The following BGN variants were observed in gnomAD, a reference collection of about 807,000 sequenced individuals.
BGN encodes the protein biglycan.
Under a neutral mutation model 20.0 loss-of-function variants are expected in BGN, and 6 were observed. That is an observed-to-expected ratio of 0.30 (90% CI 0.16 to 0.59). The LOEUF (loss-of-function observed/expected upper bound fraction) is 0.59, where lower values mean the gene tolerates loss of function less well. Ranked by LOEUF, BGN falls within the 20% of genes least tolerant of loss-of-function variation. The pLI is 0.88. For synonymous variants in BGN, 146 were observed against 134.6 expected (o/e 1.08, Z -0.59); for missense variants, 292 against 312.1 (o/e 0.94, Z 0.49).
chrX:153,499,682 C>T (rs1255683884), intron 1 of BGN, among the ~76,000 whole-genome samples: 1 of 113,401 alleles, frequency 8.8e-6, no homozygotes. Flanking sequence ...TGAACGCACA[C>T]GCCGGGCTTT....
chrX:153,496,946 G>A (rs1232235157), intron 1 of BGN, among the ~76,000 whole-genome samples: 3 of 59,399 alleles, frequency 5.1e-5, no homozygotes, highest in Non-Finnish European at 8.6e-5. Context: ...TGTGCTTCCC[G>A]GGCCCACCCC....
Position 153,508,477 on chromosome X carries a change from G to C in BGN, c.*32G>C. The C allele has an allele frequency of 8.4e-7, 1 of 1,183,738 alleles. No homozygotes were observed. On this transcript the variant is annotated 3_prime_UTR_variant, in exon 8 of 8. Transcript: ENST00000331595. ...CTGCAGCCACCGCGGGGCCTCAGTGGGGGTCTCTGGGGAACACAGCCAGAC... is the reference window on the plus strand; with the variant it reads ...CTGCAGCCACCGCGGGGCCTCAGTGCGGGTCTCTGGGGAACACAGCCAGAC...
Position 153,504,649 on chromosome X carries a change from C to G in BGN, c.18C>G (p.Arg6=), listed in dbSNP as rs782237977. 8.3e-7 allele frequency: 1 copy of G among 1,207,568 alleles called. No homozygotes were observed. The highest frequency in any genetic ancestry group is 3.0e-5 in the East Asian group (1 of 33,716). Residue 6 remains arginine, a synonymous_variant, in exon 2 of 8, where the codon CGC becomes CGG. Coordinates refer to ENST00000331595, the MANE Select transcript of BGN (RefSeq NM_001711.6). The part of the protein sequence containing the change: MWPLW[R]LVSLLALSQA... The stretch of plus-strand genomic sequence containing the variant: ...CATCCGCCATGTGGCCCCTGTGGCG[C>G]CTCGTGTCTCTGCTGGCCCTGAGCC...
At chrX:153,500,999 T>C (rs2089755440) in intron 1 of BGN, among the ~76,000 whole-genome samples, 1 of 112,231 alleles carries the variant, frequency 8.9e-6, no homozygotes, top group Non-Finnish European at 1.9e-5. Flanking sequence ...TATATGTGTG[T>C]ACATGTGTGT....
Position 153,504,886 on chromosome X carries a change from T to C in BGN, c.238+17T>C, listed in dbSNP as rs1556992702. 1 of 1,179,849 alleles carries C rather than the reference T, an allele frequency of 8.5e-7. No homozygotes were observed. The highest frequency in any genetic ancestry group is 1.1e-6 in the Non-Finnish European group (1 of 876,326). On this transcript the variant is annotated intron_variant, in intron 2 of 7. Transcript: ENST00000331595. ...CCGACCTGGGTTTGTCCCTGAGTGATGGGGAGCGGGGCATGCAGGGAGGCT... is the reference window on the plus strand; with the variant it reads ...CCGACCTGGGTTTGTCCCTGAGTGACGGGGAGCGGGGCATGCAGGGAGGCT...
intron 1 of BGN, 123 bp from the exon 2 acceptor site, chrX:153,504,498 G>T: frequency 1.7e-6 from 1 of 585,694 alleles, no homozygotes; most frequent in Non-Finnish European, 2.6e-6. Flanking sequence ...TCCCGCTCCA[G>T]GGTCTGGCCG....
At chrX:153,505,428 G>A in intron 3 of BGN, 78 bp downstream of exon 3, 1 of 860,848 alleles carries the variant, frequency 1.2e-6, no homozygotes, top group Non-Finnish European at 1.7e-6. Context: ...GGACGTGTGG[G>A]GTATGAGAGG....
intron 7 of BGN, among the ~76,000 whole-genome samples, chrX:153,507,685 G>A (rs1339328103): frequency 8.8e-6 from 1 of 113,570 alleles, no homozygotes; most frequent in Non-Finnish European, 1.9e-5. Flanking sequence ...GCACCGCGCA[G>A]GCCATGCCCA....
chrX:153,500,698 G>GGTAT (rs782386443), intron 1 of BGN, among the ~76,000 whole-genome samples: 4 of 111,120 alleles, frequency 3.6e-5, no homozygotes, highest in Admixed American at 2.9e-4. Context: ...TATATGTGCA[G>GGTAT]GTATGTATGT....
Position 153,508,303 on chromosome X carries a change from C to T in BGN, c.965C>T (p.Pro322Leu). Residue 322 changes from proline to leucine, a missense_variant, in exon 8 of 8, where the codon CCC (proline) becomes CTC (leucine). Physicochemically the swap from Pro to Leu is moderately conservative, Grantham distance 98. Transcript: ENST00000331595. ...AAAGTGGGTGTCAACGACTTCTGTC[C>T]CATGGGCTTCGGGGTGAAGCGGGCC... ...ITKVGVNDFC[P>L]MGFGVKRAYY... The T allele has an allele frequency of 5.8e-6, 7 of 1,212,040 alleles. No individual in the cohort carries two copies. Among genetic ancestry groups the T allele is most frequent in the Non-Finnish European group, 7.8e-6 (7 of 895,556 alleles).
chrX:153,508,166 C>A, intron 7 of BGN, 82 bp from the exon 8 acceptor site: 1 of 1,073,609 alleles, frequency 9.3e-7, no homozygotes, highest in South Asian at 2.0e-5. Context: ...GGTGCAGAGG[C>A]AACAGCAAAA....
chrX:153,503,372 G>A (rs781891733), intron 1 of BGN, among the ~76,000 whole-genome samples: 1 of 112,300 alleles, frequency 8.9e-6, no homozygotes, highest in Non-Finnish European at 1.9e-5. Flanking sequence ...CTGGGCGTGC[G>A]ACTGCTTCAG....
At chrX:153,496,164 C>T (rs1375139069) in intron 1 of BGN, among the ~76,000 whole-genome samples, 1 of 112,573 alleles carries the variant, frequency 8.9e-6, no homozygotes, top group Non-Finnish European at 1.9e-5. Context: ...TCCTGCTGTC[C>T]TGGCTGCCAG....
rs782577486 is a variant in BGN at position 153,508,374 on chromosome X, G to C, written c.1036G>C (p.Glu346Gln). ...CTTCAACAACCCCGTGCCCTACTGG[G>C]AGGTGCAGCCGGCCACTTTCCGCTG... ...SLFNNPVPYW[E>Q]VQPATFRCVT... is the part of the protein sequence containing the mutation. Residue 346 changes from glutamate (E) to glutamine (Q), a missense_variant, in exon 8 of 8, where the codon GAG becomes CAG. Coordinates refer to ENST00000331595, the MANE Select transcript of BGN (RefSeq NM_001711.6). 1 of 1,211,096 alleles carries C rather than the reference G, an allele frequency of 8.3e-7. No individual in the cohort carries two copies. Among genetic ancestry groups the C allele is most frequent in the Non-Finnish European group, 1.1e-6 (1 of 895,507 alleles).
chrX:153,508,144 C>T, intron 7 of BGN, 104 bp from the exon 8 acceptor site: 1 of 887,553 alleles, frequency 1.1e-6, no homozygotes, highest in Non-Finnish European at 1.6e-6. Flanking sequence ...TCTGGTGTGG[C>T]CCTTGAAGTA....
intron 3 of BGN, 171 bp downstream of exon 3, chrX:153,505,521 G>A: frequency 2.1e-6 from 1 of 466,289 alleles, no homozygotes; most frequent in Non-Finnish European, 3.7e-6. Context: ...CACTCATGTG[G>A]GTTTGAGCAA....
At chrX:153,508,129 G>A (rs2089816513) in intron 7 of BGN, 119 bp from the exon 8 acceptor site, 1 of 769,732 alleles carries the variant, frequency 1.3e-6, no homozygotes, top group Non-Finnish European at 1.9e-6. Flanking sequence ...CAACAACGGG[G>A]AGCCTCTGGT....
chrX:153,504,194 A>C (rs1396372123), intron 1 of BGN, among the ~76,000 whole-genome samples: 1 of 112,110 alleles, frequency 8.9e-6, no homozygotes, highest in East Asian at 2.8e-4. Context: ...CCAAAAGTGA[A>C]TTCTTCAAAG....
intron 1 of BGN, among the ~76,000 whole-genome samples, chrX:153,500,815 ATG>A (rs2089753306): frequency 9.4e-6 from 1 of 106,649 alleles, no homozygotes; most frequent in African/African-American, 3.5e-5. Flanking sequence ...GCATGTGTGC[ATG>A]TGTGTATACA....
Sources: gnomAD v4.1 joint callset for allele counts (sites outside exome capture counted in the v4.1 genomes callset) on GRCh38, gnomAD v4.1.1 for gene constraint, MANE v1.5 for transcripts, NCBI Gene and HGNC (gene_info 2026-07-23, HGNC 2026-07-21) for gene names.